The following RGL1 variants were observed in gnomAD, a reference collection of about 807,000 sequenced individuals.
RGL1 encodes ral guanine nucleotide dissociation stimulator-like 1.
RGL1 carries 24 observed loss-of-function variants against 95.2 expected under a neutral mutation model. The ratio of observed to expected loss-of-function variants is 0.25; its 90% confidence interval spans 0.18 to 0.35. RGL1 has a LOEUF of 0.35. Among genes scored for constraint, RGL1 ranks in the 10% least tolerant of loss-of-function variants. The pLI is 1.00. For synonymous variants in RGL1, 329 were observed against 344.9 expected (o/e 0.95, Z 0.51); for missense variants, 715 against 936.3 (o/e 0.76, Z 3.08).
Position 183,873,367 on chromosome 1 carries a change from T to C in RGL1, c.426-7249T>C, listed in dbSNP as rs551169625. Among the ~76,000 whole-genome samples the C allele has an allele frequency of 9.6e-4, 147 of 152,368 alleles. 2 individuals carry two copies. The highest frequency in any genetic ancestry group is 1.5e-3 in the Non-Finnish European group (102 of 68,032). ...ACAAGGCATTCTGCTAAGTACTTTATATTTGTGTCTTCTTCAACCATCACA... is the reference window on the plus strand; with the variant it reads ...ACAAGGCATTCTGCTAAGTACTTTACATTTGTGTCTTCTTCAACCATCACA... On this transcript the variant is annotated intron_variant, in intron 4 of 17. Transcript: ENST00000360851.
chr1:183,860,108 A>T (rs889586404), intron 3 of RGL1, among the ~76,000 whole-genome samples: 1 of 152,116 alleles, frequency 6.6e-6, no homozygotes, highest in African/African-American at 2.4e-5. Flanking sequence ...AATGCCTAAG[A>T]TGTTCTGAGG....
chr1:183,902,752 A>G (rs150526697), intron 12 of RGL1, 152 bp downstream of exon 12: 2 of 631,810 alleles, frequency 3.2e-6, no homozygotes, highest in Non-Finnish European at 5.4e-6. Flanking sequence ...TCTCCTATAC[A>G]TTATCCCCCA....
intron 2 of RGL1, among the ~76,000 whole-genome samples, chr1:183,759,956 T>C (rs912900005): frequency 6.6e-6 from 1 of 152,234 alleles, no homozygotes; most frequent in Non-Finnish European, 1.5e-5. Context: ...TATCTCTGCA[T>C]ATCTATCTTA....
intron 1 of RGL1, among the ~76,000 whole-genome samples, chr1:183,733,605 G>C (rs1000987364): frequency 6.6e-6 from 1 of 152,140 alleles, no homozygotes; most frequent in Non-Finnish European, 1.5e-5. Flanking sequence ...TTTGTCCTTA[G>C]CACCACTTAC....
At chr1:183,902,266 A>G (rs1276343783) in intron 11 of RGL1, among the ~76,000 whole-genome samples, 1 of 152,186 alleles carries the variant, frequency 6.6e-6, no homozygotes, top group Non-Finnish European at 1.5e-5. Context: ...ATATTTACTC[A>G]AGCTTTTATC....
At chr1:183,876,371 G>A (rs760197460) in intron 4 of RGL1, among the ~76,000 whole-genome samples, 1 of 152,168 alleles carries the variant, frequency 6.6e-6, no homozygotes, top group Admixed American at 6.5e-5. Flanking sequence ...ACAAAGTTTT[G>A]TATGTTGCCA....
chr1:183,848,550 TG>T (rs1204494853), intron 3 of RGL1, among the ~76,000 whole-genome samples: 2 of 152,228 alleles, frequency 1.3e-5, no homozygotes, highest in Non-Finnish European at 2.9e-5. Context: ...GGCTTTCTGT[TG>T]GGCTTGTTGA....
At chr1:183,762,003 T>G (rs564791480) in intron 2 of RGL1, among the ~76,000 whole-genome samples, 1 of 152,362 alleles carries the variant, frequency 6.6e-6, no homozygotes, top group Admixed American at 6.5e-5. Flanking sequence ...GTTAGGGCTT[T>G]GCTCTGGATT....
chr1:183,842,965 C>T (rs1176434397), intron 2 of RGL1, among the ~76,000 whole-genome samples: 2 of 152,110 alleles, frequency 1.3e-5, no homozygotes, highest in Admixed American at 1.3e-4. Flanking sequence ...TTGTGTTTCC[C>T]CTCTGTACAG....
intron 2 of RGL1, among the ~76,000 whole-genome samples, chr1:183,778,215 C>A (rs150273458): frequency 6.6e-6 from 1 of 152,150 alleles, no homozygotes; most frequent in Non-Finnish European, 1.5e-5. Context: ...ATGGGTTAAC[C>A]GCCATAAGGC....
chr1:183,833,168 A>G (rs1663379719), intron 2 of RGL1, among the ~76,000 whole-genome samples: 1 of 152,228 alleles, frequency 6.6e-6, no homozygotes, highest in African/African-American at 2.4e-5. Flanking sequence ...CTCAAAGTGT[A>G]TCCTGTGTTC....
chr1:183,860,696 T>A (rs1665458469), intron 3 of RGL1, among the ~76,000 whole-genome samples: 1 of 152,214 alleles, frequency 6.6e-6, no homozygotes, highest in Non-Finnish European at 1.5e-5. Context: ...CCTGACCTGC[T>A]TTATTTCTCT....
At chr1:183,798,991 G>A (rs559103400) in intron 2 of RGL1, among the ~76,000 whole-genome samples, 461 of 146,578 alleles carry the variant, frequency 3.1e-3, no homozygotes, top group Non-Finnish European at 3.8e-3. Context: ...TGCAAGCTCC[G>A]CCTCCCGGGT....
intron 2 of RGL1, among the ~76,000 whole-genome samples, chr1:183,760,510 T>C (rs563588574): frequency 2.1e-5 from 3 of 146,080 alleles, no homozygotes; most frequent in South Asian, 2.1e-4. Flanking sequence ...GGTAGGAGGA[T>C]TGCTTGAGGC....
chr1:183,683,897 C>T (rs905105489), intron 1 of RGL1, among the ~76,000 whole-genome samples: 20 of 152,074 alleles, frequency 1.3e-4, no homozygotes, highest in African/African-American at 4.3e-4. Context: ...CTTGTCTTCA[C>T]ACTTTATTTC....
At chr1:183,788,205 A>G in intron 2 of RGL1, among the ~76,000 whole-genome samples, 1 of 152,200 alleles carries the variant, frequency 6.6e-6, no homozygotes, top group East Asian at 1.9e-4. Flanking sequence ...GGAGGCTGAG[A>G]AGTCACATAT....
At chr1:183,745,669 G>T (rs1657582705) in intron 2 of RGL1, among the ~76,000 whole-genome samples, 1 of 152,008 alleles carries the variant, frequency 6.6e-6, no homozygotes, top group South Asian at 2.1e-4. Flanking sequence ...CTAAAAAAAA[G>T]CCCCGAGTAT....
At chr1:183,801,169 GTGTGTGTGTT>G (rs1660969273), upstream of RGL1, among the ~76,000 whole-genome samples, 1 of 151,802 alleles carries the variant, frequency 6.6e-6, no homozygotes, top group Admixed American at 6.6e-5. Flanking sequence ...GTGTGTGTGT[GTGTGTGTGTT>G]TAATAATGGC....
chr1:183,844,321 A>G (rs1386379495), intron 2 of RGL1, among the ~76,000 whole-genome samples: 4 of 152,208 alleles, frequency 2.6e-5, no homozygotes, highest in African/African-American at 7.2e-5. Flanking sequence ...TCTTTTTTAA[A>G]TGAAAAGTGG....
Sources: allele counts gnomAD v4.1 joint callset (sites outside exome capture counted in the v4.1 genomes callset), GRCh38; gene constraint gnomAD v4.1.1; transcripts MANE v1.5; gene names NCBI Gene and HGNC (gene_info 2026-07-23, HGNC 2026-07-21).